The following CRTC3 variants were observed in gnomAD, a reference collection of about 807,000 sequenced individuals.
The protein encoded by CRTC3 is CREB regulated transcription coactivator 3.
CRTC3 carries 26 observed loss-of-function variants against 74.5 expected under a neutral mutation model. The ratio of observed to expected loss-of-function variants is 0.35; its 90% CI spans 0.26 to 0.48. The LOEUF (loss-of-function observed/expected upper bound fraction) is 0.48. CRTC3 is among the 20% of genes least tolerant of loss of function. CRTC3 has a pLI of 0.99. For synonymous variants in CRTC3, 377 were observed against 325.8 expected, an observed-to-expected ratio of 1.16 and a Z score of -1.69; for missense variants, 760 against 787.3, an observed-to-expected ratio of 0.97 and a Z score of 0.41.
At chr15:90,551,942 A>G (rs372616940) in intron 2 of CRTC3, among the ~76,000 whole-genome samples, 9 of 48,044 alleles carry the variant, frequency 1.9e-4, no homozygotes, top group African/African-American at 3.9e-4. Flanking sequence ...ACACACACAC[A>G]CGCACACACA....
At position 90,641,110 on chromosome 15, in the gene CRTC3, A is replaced by C; in HGVS notation, c.1562A>C (p.Gln521Pro). Residue 521 changes from glutamine (Q) to proline (P), a missense_variant, in exon 14 of 15, where the codon CAA (glutamine) becomes CCA (proline). Coordinates refer to ENST00000268184, the MANE Select transcript of CRTC3 (RefSeq NM_022769.5). ...CGATGCTTCCAGGTGCCTCTGGTGCAACAAGGTTCCCGAGAACTGCAGGAC... is the reference window on the plus strand; with the variant it reads ...CGATGCTTCCAGGTGCCTCTGGTGCCACAAGGTTCCCGAGAACTGCAGGAC... ...PAFPQQVPLV[Q>P]QGSRELQDSF... is the part of the protein sequence containing the mutation. 2.5e-6 allele frequency: 4 copies of C among 1,613,710 alleles called. No individual in the cohort carries two copies. Among genetic ancestry groups the C allele is most frequent in the Non-Finnish European group, 3.4e-6 (4 of 1,179,682 alleles).
At chr15:90,531,871 C>T (rs1342372074) in intron 1 of CRTC3, among the ~76,000 whole-genome samples, 7 of 152,078 alleles carry the variant, frequency 4.6e-5, no homozygotes, top group African/African-American at 9.7e-5. Flanking sequence ...TTTAAAATAT[C>T]CCTGACAGGT....
chr15:90,577,376 A>AT (rs1180447776), intron 2 of CRTC3, among the ~76,000 whole-genome samples: 1 of 152,224 alleles, frequency 6.6e-6, no homozygotes, highest in Non-Finnish European at 1.5e-5. Context: ...GAGTAAGTCA[A>AT]TTATAGTGTT....
intron 2 of CRTC3, among the ~76,000 whole-genome samples, chr15:90,585,140 C>G (rs182731748): frequency 2.8e-3 from 421 of 152,206 alleles, no homozygotes; most frequent in Non-Finnish European, 4.3e-3. Context: ...TGGAGAATTT[C>G]TTTTTCATTT....
chr15:90,631,287 C>T (rs548806816), intron 11 of CRTC3, among the ~76,000 whole-genome samples: 1 of 152,180 alleles, frequency 6.6e-6, no homozygotes, highest in Non-Finnish European at 1.5e-5. Flanking sequence ...GTCGCCCAAG[C>T]TGGAGCACAA....
At position 90,638,734 on chromosome 15, in the gene CRTC3, G is replaced by C; in HGVS notation, c.1468-1G>C. ...AATGATCATCTCCTTATTCCCTGAA[G>C]GGCTCATCTTTGACCAACTTCTTCC... On this transcript the variant is annotated splice_acceptor_variant, in intron 12 of 14. Coordinates refer to ENST00000268184, the MANE Select transcript of CRTC3 (RefSeq NM_022769.5). LOFTEE classifies it high-confidence loss of function. 2 of 1,614,094 alleles carry C rather than the reference G, an allele frequency of 1.2e-6. No individual in the cohort carries two copies. The highest frequency in any genetic ancestry group is 1.7e-6 in the Non-Finnish European group (2 of 1,179,984).
chr15:90,593,318 A>G (rs573184388), intron 2 of CRTC3, among the ~76,000 whole-genome samples: 24 of 152,290 alleles, frequency 1.6e-4, no homozygotes, highest in Non-Finnish European at 1.0e-4. Context: ...TTTACATTTC[A>G]AAGTGTCCTT....
At chr15:90,584,442 G>A (rs985113372) in intron 2 of CRTC3, among the ~76,000 whole-genome samples, 3 of 152,070 alleles carry the variant, frequency 2.0e-5, no homozygotes, top group African/African-American at 7.2e-5. Flanking sequence ...TCACCATGTT[G>A]GTCAGGCTGG....
chr15:90,532,551 G>A (rs571376370), intron 1 of CRTC3, among the ~76,000 whole-genome samples: 2 of 152,286 alleles, frequency 1.3e-5, no homozygotes, highest in South Asian at 4.1e-4. Flanking sequence ...TTTCCCCTCT[G>A]AGCCTGTGTT....
intron 1 of CRTC3, among the ~76,000 whole-genome samples, chr15:90,535,155 C>T (rs1158231347): frequency 9.6e-6 from 1 of 104,482 alleles, no homozygotes; most frequent in Non-Finnish European, 1.9e-5. Flanking sequence ...GAGCGAAACT[C>T]CGTCTCAAAA....
rs542946084 is a variant in CRTC3 at position 90,539,924 on chromosome 15, G to T, written c.133-115G>T. 131 of 752,458 alleles carry T rather than the reference G, an allele frequency of 1.7e-4. No homozygotes were observed. In the African/African-American group the frequency reaches 2.2e-3, roughly 12 times the overall value. The allele number at this position is 752,458 out of a possible 1,614,324, so 46.6% of individuals were successfully genotyped here. A position where few individuals can be genotyped will look rare whatever the true frequency, so the allele number is the denominator to read the frequency against. On this transcript the variant is annotated intron_variant, in intron 1 of 14. Transcript: ENST00000268184. Reference sequence around the variant, plus strand: ...AGGGTGTGATCACTTACGTCGAGAAGAAATTGAAACAAGACTTTCATTCTT... The same window carrying T: ...AGGGTGTGATCACTTACGTCGAGAATAAATTGAAACAAGACTTTCATTCTT...
chr15:90,582,405 A>T (rs761975272), intron 2 of CRTC3, among the ~76,000 whole-genome samples: 38 of 152,218 alleles, frequency 2.5e-4, no homozygotes, highest in Non-Finnish European at 4.4e-4. Flanking sequence ...ATCCCTGAGA[A>T]CTTGAAGCTG....
At chr15:90,613,783 T>C (rs1290891224) in intron 6 of CRTC3, 1 of 152,238 alleles carries the variant, frequency 6.6e-6, no homozygotes, top group African/African-American at 2.4e-5. Context: ...ATTACATTCT[T>C]GGCACGGTTC....
At chr15:90,557,642 C>T (rs993448389) in intron 2 of CRTC3, among the ~76,000 whole-genome samples, 5 of 152,080 alleles carry the variant, frequency 3.3e-5, no homozygotes, top group Admixed American at 6.5e-5. Flanking sequence ...CAGACAGAGC[C>T]GGGTCTGTCT....
At chr15:90,571,502 C>T (rs1443976832) in intron 2 of CRTC3, among the ~76,000 whole-genome samples, 1 of 152,074 alleles carries the variant, frequency 6.6e-6, no homozygotes, top group Admixed American at 6.5e-5. Flanking sequence ...GAGGCTGGAG[C>T]TTGAAGTAGG....
chr15:90,598,475 T>C lies in CRTC3; in HGVS notation c.352-3849T>C, dbSNP rs1318368837. On this transcript the variant is annotated intron_variant, in intron 3 of 14. Coordinates refer to ENST00000268184, the MANE Select transcript of CRTC3 (RefSeq NM_022769.5). ...GTTGAGAGGAACAGCAGTCCCTGTG[T>C]TGATGGATTGAGGCAGTAACTCGAG... is the stretch of plus-strand genomic sequence containing the variant. 2.8e-5 allele frequency: 20 copies of C among 702,876 alleles called. No homozygotes were observed. In the East Asian group the frequency reaches 4.8e-4, roughly 17 times the overall value. 43.5% of individuals were successfully genotyped at this position (702,876 alleles called of 1,614,324 possible).
chr15:90,589,215 C>T (rs1015875390), intron 2 of CRTC3, among the ~76,000 whole-genome samples: 5 of 152,070 alleles, frequency 3.3e-5, no homozygotes, highest in Admixed American at 2.6e-4. Flanking sequence ...CACCACCATG[C>T]CCAGCTAATT....
At chr15:90,606,035 C>A (rs1968210232) in intron 5 of CRTC3, among the ~76,000 whole-genome samples, 1 of 152,130 alleles carries the variant, frequency 6.6e-6, no homozygotes, top group Non-Finnish European at 1.5e-5. Flanking sequence ...GCGGGCGAAT[C>A]ACCTGAGGTC....
chr15:90,605,846 A>G (rs1197662109), intron 5 of CRTC3, among the ~76,000 whole-genome samples: 1 of 152,196 alleles, frequency 6.6e-6, no homozygotes, highest in Admixed American at 6.5e-5. Context: ...AGATAAATAG[A>G]TAATCATCTC....
Sources: allele counts gnomAD v4.1 joint callset (sites outside exome capture counted in the v4.1 genomes callset), GRCh38; gene constraint gnomAD v4.1.1; transcripts MANE v1.5; gene names NCBI Gene and HGNC (gene_info 2026-07-23, HGNC 2026-07-21).